Variants in NEK10 observed in about 807,000 individuals in gnomAD.
NEK10 encodes NIMA related kinase 10.
In NEK10, 122 loss-of-function variants were observed where a neutral mutation model predicts 159.8. The observed-to-expected ratio is 0.76, with a 90% CI of 0.66 to 0.89. The LOEUF (loss-of-function observed/expected upper bound fraction) is 0.89. NEK10 is among the 40% of genes least tolerant of loss of function. The pLI, the probability that NEK10 is intolerant of heterozygous loss-of-function variation, is 0.00. For missense variants in NEK10, 1,342 were observed against 1,323.1 expected (o/e 1.01, Z -0.22); for synonymous variants, 466 against 457.1 (o/e 1.02, Z -0.25).
At chr3:27,209,302 AGTGTTT>A (rs1194795962) in intron 23 of NEK10, among the ~76,000 whole-genome samples, 2 of 152,190 alleles carry the variant, frequency 1.3e-5, no homozygotes, top group African/African-American at 4.8e-5. Context: ...CTTCTTTGTT[AGTGTTT>A]AAGTCATCTT....
intron 35 of NEK10, 23 bp downstream of exon 35, chr3:27,115,917 T>C: frequency 6.3e-7 from 1 of 1,579,566 alleles, no homozygotes; most frequent in East Asian, 2.2e-5. Flanking sequence ...CTTTCACAAT[T>C]GAAGGCAAAC....
rs75860920 is a variant in NEK10, at chr3:27,302,877, T to C, written c.1029-1042A>G. ...AACATGATTCTCTTAAAACTCAAAT[T>C]GTAGGGATCTCTTCACCTGATCAAG... On this transcript the variant is annotated intron_variant, in intron 12 of 35. Coordinates refer to ENST00000691995, the MANE Select transcript of NEK10 (RefSeq NM_001394966.1). 8.8e-3 allele frequency among the ~76,000 whole-genome samples: 1,344 copies of C among 152,214 alleles called. 24 individuals are homozygous for C. The highest frequency in any genetic ancestry group is 0.03 in the African/African-American group (1,236 of 41,528).
intron 15 of NEK10, among the ~76,000 whole-genome samples, chr3:27,294,547 G>A (rs1290459244): frequency 6.6e-6 from 1 of 152,168 alleles, no homozygotes; most frequent in African/African-American, 2.4e-5. Context: ...GGATGGGTTT[G>A]TCTTTATCTG....
In NEK10 at chr3:27,290,616, C is replaced by T; in HGVS notation, c.1743+1G>A. 3 of 1,580,578 alleles carry T rather than the reference C, an allele frequency of 1.9e-6. No individual in the cohort carries two copies. The highest frequency in any genetic ancestry group is 2.7e-5 in the African/African-American group (2 of 72,952). On this transcript the variant is annotated splice_donor_variant, in intron 19 of 35. Coordinates refer to ENST00000691995, the MANE Select transcript of NEK10 (RefSeq NM_001394966.1). LOFTEE classifies it high-confidence loss of function. Reference sequence around the variant, plus strand: ...TCTTCAGAAACAAGGAAAACATTTACCTGCTCTTTAATTATTGTTAATTCA... The same window carrying T: ...TCTTCAGAAACAAGGAAAACATTTATCTGCTCTTTAATTATTGTTAATTCA...
intron 23 of NEK10, among the ~76,000 whole-genome samples, chr3:27,226,197 AT>A (rs11328346): frequency 0.16 from 22,797 of 142,870 alleles, 3,736 homozygotes; most frequent in African/African-American, 0.43. Flanking sequence ...ACGCCCGGCT[AT>A]TTTTTTTTTT....
intron 5 of NEK10, among the ~76,000 whole-genome samples, chr3:27,332,306 G>C (rs936128864): frequency 3.3e-5 from 5 of 152,028 alleles, no homozygotes; most frequent in African/African-American, 1.2e-4. Flanking sequence ...CACTTTTTCT[G>C]AAAAAATATT....
intron 20 of NEK10, among the ~76,000 whole-genome samples, chr3:27,286,545 CT>C (rs36101281): frequency 6.9e-4 from 45 of 65,018 alleles, no homozygotes; most frequent in East Asian, 9.5e-4. Context: ...CCACGCCCAG[CT>C]TTTTTTTTTT....
In NEK10 at chr3:27,241,921, C is replaced by T. The variant is rs567577327; in HGVS notation, c.2090+14375G>A. On this transcript the variant is annotated intron_variant, in intron 23 of 35. Transcript: ENST00000691995. ...TGACCTCATGCTGTCAGACTGACTTCCTCCCTGGCTACAACCATGGCCACC... is the reference window on the plus strand; with the variant it reads ...TGACCTCATGCTGTCAGACTGACTTTCTCCCTGGCTACAACCATGGCCACC... Among the ~76,000 whole-genome samples the T allele has an allele frequency of 2.6e-5, 4 of 152,318 alleles. No homozygotes were observed. In the South Asian group the frequency reaches 6.2e-4, roughly 24 times the overall value.
At chr3:27,165,456 G>A (rs934437891) in intron 29 of NEK10, among the ~76,000 whole-genome samples, 2 of 152,298 alleles carry the variant, frequency 1.3e-5, no homozygotes, top group East Asian at 1.9e-4. Context: ...TGTTCCCATC[G>A]TATCACAAGC....
intron 31 of NEK10, among the ~76,000 whole-genome samples, chr3:27,135,218 C>G (rs1396248705): frequency 6.6e-6 from 1 of 152,108 alleles, no homozygotes; most frequent in Non-Finnish European, 1.5e-5. Context: ...CAGGAGAGTT[C>G]AAGACCAGCC....
At chr3:27,211,699 A>G (rs913337913) in intron 23 of NEK10, among the ~76,000 whole-genome samples, 4 of 152,198 alleles carry the variant, frequency 2.6e-5, no homozygotes, top group Admixed American at 6.5e-5. Context: ...TTCATCTCCA[A>G]GCAATACTAT....
In NEK10 at chr3:27,343,591, T is replaced by C. The variant is rs545359977; in HGVS notation, c.362+681A>G. ...AAGACAAGACCCTATAATGACACACTGTTAGGAGCCTCCTTTGCATCTGGC... is the reference window on the plus strand; with the variant it reads ...AAGACAAGACCCTATAATGACACACCGTTAGGAGCCTCCTTTGCATCTGGC... On this transcript the variant is annotated intron_variant, in intron 5 of 35. Coordinates refer to ENST00000691995, the MANE Select transcript of NEK10 (RefSeq NM_001394966.1). Among the ~76,000 whole-genome samples the C allele has an allele frequency of 2.0e-5, 3 of 152,248 alleles. No individual in the cohort carries two copies. The South Asian group carries it at 6.2e-4, about 32-fold the overall frequency.
At chr3:27,167,710 G>T (rs781303185) in intron 29 of NEK10, among the ~76,000 whole-genome samples, 30 of 152,172 alleles carry the variant, frequency 2.0e-4, no homozygotes, top group Admixed American at 5.2e-4. Flanking sequence ...GTTTGAAAAT[G>T]ATTAAAGTTG....
chr3:27,309,221 GCT>G (rs1055307256), intron 9 of NEK10: 49 of 282,052 alleles, frequency 1.7e-4, no homozygotes, highest in Middle Eastern at 2.1e-3. Context: ...TGTTAAAGCT[GCT>G]CTCTCTTATG....
Position 27,151,321 on chromosome 3 carries a change from C to T in NEK10, c.2870-9739G>A, listed in dbSNP as rs553750278. On this transcript the variant is annotated intron_variant, in intron 30 of 35. Coordinates refer to ENST00000691995, the MANE Select transcript of NEK10 (RefSeq NM_001394966.1). ...GGTTGAGAGACCCATAGATGGTTCA[C>T]ATCACAGGACTCTGTGCAGAAAACC... is the stretch of plus-strand genomic sequence containing the variant. Among the ~76,000 whole-genome samples, 4 of 152,262 alleles carry T rather than the reference C, an allele frequency of 2.6e-5. No individual in the cohort carries two copies. In the East Asian group the frequency reaches 7.7e-4, roughly 29 times the overall value.
chr3:27,294,659 A>G (rs896397550), intron 15 of NEK10, among the ~76,000 whole-genome samples: 19 of 152,160 alleles, frequency 1.2e-4, no homozygotes, highest in African/African-American at 4.6e-4. Context: ...GCCTGCCAGC[A>G]CAGAGACACC....
intron 15 of NEK10, among the ~76,000 whole-genome samples, chr3:27,294,301 G>T (rs565373346): frequency 5.9e-5 from 9 of 152,148 alleles, no homozygotes; most frequent in Non-Finnish European, 1.2e-4. Flanking sequence ...GGCCACCATT[G>T]GAGTGATCAG....
intron 30 of NEK10, among the ~76,000 whole-genome samples, chr3:27,151,608 C>A (rs1944879740): frequency 6.6e-6 from 1 of 152,116 alleles, no homozygotes; most frequent in Non-Finnish European, 1.5e-5. Context: ...CTGTAACACC[C>A]CCCAAAAATC....
intron 29 of NEK10, among the ~76,000 whole-genome samples, chr3:27,163,701 G>T (rs748811560): frequency 1.3e-5 from 2 of 152,008 alleles, no homozygotes; most frequent in Non-Finnish European, 1.5e-5. Flanking sequence ...AAACATCTGT[G>T]CCCTGACAAG....
Sources: allele counts gnomAD v4.1 joint callset (sites outside exome capture counted in the v4.1 genomes callset), GRCh38; gene constraint gnomAD v4.1.1; transcripts MANE v1.5; gene names NCBI Gene and HGNC (gene_info 2026-07-23, HGNC 2026-07-21).